The following EPN3 variants were observed in gnomAD, a reference collection of about 807,000 sequenced individuals.
The protein encoded by EPN3 is epsin 3, also known as epsin-3.
EPN3 carries 56 observed loss-of-function variants against 55.5 expected under a neutral mutation model. The ratio of observed to expected loss-of-function variants is 1.01; its 90% CI spans 0.81 to 1.26. The LOEUF is 1.26. Ranked by LOEUF, EPN3 falls within the 50% of genes most tolerant of loss-of-function variation. The pLI is 0.00. For missense variants in EPN3, 927 were observed against 853.4 expected, an observed-to-expected ratio of 1.09 and a Z score of -1.07; for synonymous variants, 449 against 375.2, an observed-to-expected ratio of 1.20 and a Z score of -2.27.
chr17:50,541,105 T>A (rs781584235), intron 7 of EPN3, 43 bp downstream of exon 7: 9 of 1,571,116 alleles, frequency 5.7e-6, no homozygotes, highest in Non-Finnish European at 7.8e-6. Context: ...GCTGGGGGAC[T>A]TCCAGGCAGG....
chr17:50,535,967 G>A (rs149664840), intron 1 of EPN3: 1 of 153,594 alleles, frequency 6.5e-6, no homozygotes, highest in Non-Finnish European at 1.4e-5. Context: ...GGGCTTCCTG[G>A]GGTCATCTTG....
In EPN3 at chr17:50,541,898, C is replaced by G; in HGVS notation, c.1640C>G (p.Pro547Arg). 6.2e-7 allele frequency: 1 copy of G among 1,605,558 alleles called. No homozygotes were observed. Among genetic ancestry groups the G allele is most frequent in the Non-Finnish European group, 8.5e-7 (1 of 1,179,730 alleles). Reference protein sequence around the residue: ...NPFGAGEPGRPTLNQMRTGSP... With the variant: ...NPFGAGEPGRRTLNQMRTGSP... ...TTCGGCGCGGGCGAGCCGGGCAGGCCGACGCTAAACCAGATGCGCACCGGC... is the reference window on the plus strand; with the variant it reads ...TTCGGCGCGGGCGAGCCGGGCAGGCGGACGCTAAACCAGATGCGCACCGGC... Residue 547 changes from proline (P) to arginine (R), a missense_variant, in exon 10 of 10, where the codon CCG becomes CGG. Pro to Arg is a moderately radical substitution (Grantham distance 103). Coordinates refer to ENST00000268933, the MANE Select transcript of EPN3 (RefSeq NM_017957.3).
Position 50,532,930 on chromosome 17 carries a change from G to A in EPN3, c.-192G>A, listed in dbSNP as rs2034693522. The stretch of plus-strand genomic sequence containing the variant: ...CGTCCCGCTGCTGCACAGGTCGGAG[G>A]GTCACCGCAGAGGCTACTCGGGCTG... On this transcript the variant is annotated 5_prime_UTR_variant, in exon 1 of 10. Transcript: ENST00000268933. 1 of 1,286,158 alleles carries A rather than the reference G, an allele frequency of 7.8e-7. No individual in the cohort carries two copies. Among genetic ancestry groups the A allele is most frequent in the South Asian group, 1.2e-5 (1 of 80,790 alleles). 79.7% of individuals were successfully genotyped at this position (1,286,158 alleles called of 1,614,324 possible).
At position 50,542,037 on chromosome 17, in the gene EPN3, C is replaced by T. The variant is rs747567615; in HGVS notation, c.1779C>T (p.Pro593=). The change falls in exon 10 of 10, where the codon CCC becomes CCT. Residue 593 remains proline, a synonymous_variant. Coordinates refer to ENST00000268933, the MANE Select transcript of EPN3 (RefSeq NM_017957.3). ...LSSVPAGLTL[P]ASVSVFPQAG... is the part of the protein sequence containing the mutation. Reference sequence around the variant, plus strand: ...GCGTGCCAGCTGGCTTGACCCTCCCCGCCTCGGTTAGCGTCTTCCCGCAGG... The same window carrying T: ...GCGTGCCAGCTGGCTTGACCCTCCCTGCCTCGGTTAGCGTCTTCCCGCAGG... The T allele has an allele frequency of 2.5e-6, 4 of 1,596,024 alleles. No homozygotes were observed. In the East Asian group the frequency reaches 6.7e-5, roughly 27 times the overall value.
chr17:50,539,865 T>C lies in EPN3; in HGVS notation c.892-382T>C, dbSNP rs568103054. ...GGCCAGTTTCTCTTGGACACTGACCTAGGGAGGTAGGCTGGTTGAAAAACA... is the reference window on the plus strand; with the variant it reads ...GGCCAGTTTCTCTTGGACACTGACCCAGGGAGGTAGGCTGGTTGAAAAACA... On this transcript the variant is annotated intron_variant, in intron 5 of 9. Transcript: ENST00000268933. Among the ~76,000 whole-genome samples, 3 of 152,322 alleles carry C rather than the reference T, an allele frequency of 2.0e-5. No individual in the cohort carries two copies. In the South Asian group the frequency reaches 6.2e-4, roughly 32 times the overall value.
intron 4 of EPN3, 65 bp downstream of exon 4, chr17:50,539,029 A>C: frequency 6.5e-7 from 1 of 1,540,800 alleles, no homozygotes; most frequent in Non-Finnish European, 8.8e-7. Flanking sequence ...GCTTCAGGGC[A>C]CTAACAGCCT....
At chr17:50,541,187 C>T in intron 7 of EPN3, 42 bp from the exon 8 acceptor site, 1 of 1,611,278 alleles carries the variant, frequency 6.2e-7, no homozygotes, top group Non-Finnish European at 8.5e-7. Context: ...CAACACCTGC[C>T]CTTTTTGTCA....
Position 50,543,075 on chromosome 17 carries a change from T to A in EPN3, c.*918T>A, listed in dbSNP as rs148586338. On this transcript the variant is annotated 3_prime_UTR_variant, in exon 10 of 10. Coordinates refer to ENST00000268933, the MANE Select transcript of EPN3 (RefSeq NM_017957.3). ...TTTAATTCAGCAAATATTGACTGAC[T>A]GCTGTGGACAAAGTGCTGGGCTCAC... is the stretch of plus-strand genomic sequence containing the variant. The A allele has an allele frequency of 6.6e-6, 1 of 152,326 alleles. No individual in the cohort carries two copies. Among genetic ancestry groups the A allele is most frequent in the Non-Finnish European group, 1.5e-5 (1 of 68,018 alleles). The allele number at this position is 152,326 out of a possible 1,614,324, so 9.4% of individuals were successfully genotyped here.
At chr17:50,540,643 A>T in intron 6 of EPN3, 150 bp from the exon 7 acceptor site, 1 of 1,080,714 alleles carries the variant, frequency 9.3e-7, no homozygotes, top group Non-Finnish European at 1.3e-6. Context: ...CTTGTCAAAT[A>T]GGGGCTCCAG....
intron 1 of EPN3, among the ~76,000 whole-genome samples, chr17:50,534,009 G>C (rs990286965): frequency 3.3e-5 from 5 of 152,228 alleles, no homozygotes; most frequent in South Asian, 2.1e-4. Flanking sequence ...AAAACCCTTT[G>C]CTTGTAACAC....
At chr17:50,534,515 C>T in intron 1 of EPN3, 1 of 985,486 alleles carries the variant, frequency 1.0e-6, no homozygotes, top group Non-Finnish European at 1.2e-6. Context: ...ACTCTGCCAC[C>T]CCCAGCCACG....
chr17:50,536,385 C>G, intron 1 of EPN3, 36 bp from the exon 2 acceptor site: 4 of 1,439,896 alleles, frequency 2.8e-6, no homozygotes, highest in Non-Finnish European at 3.6e-6. Flanking sequence ...ATGAGGTAGG[C>G]CTCTGCCCCT....
Position 50,541,665 on chromosome 17 carries a change from T to A in EPN3, c.1556T>A (p.Val519Asp). Residue 519 changes from valine (V) to aspartate (D), a missense_variant, in exon 9 of 10, where the codon GTT (valine) becomes GAT (aspartate). By Grantham distance (152) the Val-to-Asp change is radical (BLOSUM62 -3). Transcript: ENST00000268933. Reference protein sequence around the residue: ...NLDSLVKAPQVAKTRNPFLTG... With the variant: ...NLDSLVKAPQDAKTRNPFLTG... Reference sequence around the variant, plus strand: ...GACTCGTTGGTCAAGGCACCCCAGGTTGCAAAGACCCGGAACCCCTTCCTG... The same window carrying A: ...GACTCGTTGGTCAAGGCACCCCAGGATGCAAAGACCCGGAACCCCTTCCTG... 1 of 1,612,042 alleles carries A rather than the reference T, an allele frequency of 6.2e-7. No homozygotes were observed. The highest frequency in any genetic ancestry group is 8.5e-7 in the Non-Finnish European group (1 of 1,180,004).
chr17:50,540,477 G>C, intron 6 of EPN3, 143 bp downstream of exon 6: 1 of 768,940 alleles, frequency 1.3e-6, no homozygotes, highest in Non-Finnish European at 2.1e-6. Context: ...CGCCGCCTGT[G>C]GGACAGGCTT....
Position 50,536,762 on chromosome 17 carries a change from A to C in EPN3, c.206A>C (p.Lys69Thr), listed in dbSNP as rs1199602688. 1.2e-6 allele frequency: 2 copies of C among 1,614,052 alleles called. No homozygotes were observed. The highest frequency in any genetic ancestry group is 1.7e-6 in the Non-Finnish European group (2 of 1,180,044). ...MLWRRLNDSGKNWRHVYKALT... is the reference protein window; with the variant it reads ...MLWRRLNDSGTNWRHVYKALT... ...TGGCGGCGGCTCAATGACAGCGGCA[A>C]GAACTGGCGGCACGTGTACAAGGCT... Residue 69 changes from lysine (K) to threonine (T), a missense_variant, in exon 2 of 10, where the codon AAG becomes ACG. By Grantham distance (78) the Lys-to-Thr change is moderately conservative. Transcript: ENST00000268933.
chr17:50,533,316 TC>T (rs1310215359), intron 1 of EPN3, among the ~76,000 whole-genome samples: 1 of 151,842 alleles, frequency 6.6e-6, no homozygotes, highest in Non-Finnish European at 1.5e-5. Flanking sequence ...CTCAGGGCAG[TC>T]CCCCCTCCCC....
At chr17:50,540,219 G>A (rs1426091175) in intron 5 of EPN3, 28 bp from the exon 6 acceptor site, 2 of 1,602,802 alleles carry the variant, frequency 1.2e-6, no homozygotes, top group Non-Finnish European at 1.7e-6. Flanking sequence ...GCCCACTTCT[G>A]AGCCGCGGCT....
rs971768691 is a variant in EPN3, at chr17:50,540,676, G to A, written c.980-117G>A. ...CAGCCTGCTGGGTGGTCCTGAGGCT[G>A]CAGGCCATCTGTGACATGGATCTTC... On this transcript the variant is annotated intron_variant, in intron 6 of 9. Coordinates refer to ENST00000268933, the MANE Select transcript of EPN3 (RefSeq NM_017957.3). 47 of 1,359,568 alleles carry A rather than the reference G, an allele frequency of 3.5e-5. 1 individual carries two copies. The East Asian group carries it at 1.1e-3, about 30-fold the overall frequency. 84.2% of individuals were successfully genotyped at this position (1,359,568 alleles called of 1,614,324 possible). A position where few individuals can be genotyped will look rare whatever the true frequency, so the allele number is the denominator to read the frequency against.
chr17:50,536,799 G>T lies in EPN3; in HGVS notation c.243G>T (p.Leu81=). Residue 81 remains leucine, a synonymous_variant, in exon 2 of 10, where the codon CTG becomes CTT. Transcript: ENST00000268933. Reference sequence around the variant, plus strand: ...ACGTGTACAAGGCTCTAACATTGCTGGACTACCTGCTCAAGACGGGCTCCG... The same window carrying T: ...ACGTGTACAAGGCTCTAACATTGCTTGACTACCTGCTCAAGACGGGCTCCG... The part of the protein sequence containing the change: ...WRHVYKALTL[L]DYLLKTGSER... The T allele has an allele frequency of 6.2e-7, 1 of 1,614,164 alleles. No individual in the cohort carries two copies. Among genetic ancestry groups the T allele is most frequent in the Non-Finnish European group, 8.5e-7 (1 of 1,180,038 alleles).
Sources: allele counts gnomAD v4.1 joint callset (sites outside exome capture counted in the v4.1 genomes callset), GRCh38; gene constraint gnomAD v4.1.1; transcripts MANE v1.5; gene names NCBI Gene and HGNC (gene_info 2026-07-23, HGNC 2026-07-21).